Variants in FLT3 observed in about 807,000 individuals in gnomAD.
The protein encoded by FLT3 is receptor-type tyrosine-protein kinase FLT3.
In FLT3, 46 loss-of-function variants were observed where a neutral mutation model predicts 126.6. The ratio of observed to expected loss-of-function variants is 0.36; its 90% CI spans 0.29 to 0.46. The LOEUF (loss-of-function observed/expected upper bound fraction) is 0.46, where lower values mean the gene tolerates loss of function less well. FLT3 is among the 20% of genes least tolerant of loss of function. The pLI is 1.00. For missense variants in FLT3, 1,069 were observed against 1,190.3 expected (o/e 0.90, Z 1.50); for synonymous variants, 404 against 434.4 (o/e 0.93, Z 0.87).
Position 28,003,416 on chromosome 13 carries a change from A to G in FLT3, c.*636T>C. On this transcript the variant is annotated 3_prime_UTR_variant, in exon 24 of 24. Coordinates refer to ENST00000241453, the MANE Select transcript of FLT3 (RefSeq NM_004119.3). ...CACCTATTCATTATAAACTTCCCCC[A>G]ATACAACCCCTGTTGTTGCAGAAAT... is the stretch of plus-strand genomic sequence containing the variant. 4.3e-6 allele frequency: 1 copy of G among 233,854 alleles called. No individual in the cohort carries two copies. The highest frequency in any genetic ancestry group is 6.0e-5 in the East Asian group (1 of 16,566). 14.5% of individuals were successfully genotyped at this position (233,854 alleles called of 1,614,324 possible). A position where few individuals can be genotyped will look rare whatever the true frequency, so the allele number is the denominator to read the frequency against.
intron 1 of FLT3, among the ~76,000 whole-genome samples, chr13:28,092,418 G>T (rs1419473312): frequency 6.6e-6 from 1 of 151,998 alleles, no homozygotes; most frequent in Non-Finnish European, 1.5e-5. Context: ...CCAGGCTGGA[G>T]TGCAGTGGCA....
At chr13:28,087,071 A>G (rs1162575067) in intron 1 of FLT3, among the ~76,000 whole-genome samples, 1 of 152,192 alleles carries the variant, frequency 6.6e-6, no homozygotes, top group Non-Finnish European at 1.5e-5. Flanking sequence ...ATTTTTGGAT[A>G]TAGAACTACA....
At chr13:28,022,742 T>C (rs762029912) in intron 19 of FLT3, among the ~76,000 whole-genome samples, 1 of 152,224 alleles carries the variant, frequency 6.6e-6, no homozygotes, top group East Asian at 1.9e-4. Context: ...GATCTGCTTA[T>C]AGGCAGGAGA....
At chr13:28,060,027 T>G (rs1296228398) in intron 3 of FLT3, among the ~76,000 whole-genome samples, 1 of 151,238 alleles carries the variant, frequency 6.6e-6, no homozygotes, top group African/African-American at 2.4e-5. Flanking sequence ...CTTGCTACAC[T>G]AACAAGAATG....
intron 1 of FLT3, among the ~76,000 whole-genome samples, chr13:28,090,589 C>A (rs1461852507): frequency 1.3e-5 from 2 of 152,008 alleles, no homozygotes; most frequent in African/African-American, 4.8e-5. Flanking sequence ...ACCAGCCTGG[C>A]CAACATGGCA....
At chr13:28,013,743 G>T (rs1383676265) in intron 23 of FLT3, among the ~76,000 whole-genome samples, 4 of 152,144 alleles carry the variant, frequency 2.6e-5, no homozygotes, top group East Asian at 1.9e-4. Context: ...TCAACCCTCA[G>T]AACTCCAGGT....
At position 28,068,577 on chromosome 13, in the gene FLT3, C is replaced by T. The variant is rs373649282; in HGVS notation, c.165+1914G>A. Among the ~76,000 whole-genome samples the T allele has an allele frequency of 8.5e-5, 13 of 152,178 alleles. No individual in the cohort carries two copies. The East Asian group carries it at 1.4e-3, about 16-fold the overall frequency. ...TATCAGCCAGTAGCAGTGGCTCATG[C>T]CTGTAATCCCAACACTTTGGGAGGC... On this transcript the variant is annotated intron_variant, in intron 2 of 23. Transcript: ENST00000241453.
At chr13:28,015,803 C>T (rs1593216820) in intron 20 of FLT3, 102 bp from the exon 21 acceptor site, 3 of 693,746 alleles carry the variant, frequency 4.3e-6, no homozygotes, top group East Asian at 2.6e-5. Context: ...CCTAAGACCA[C>T]TCTTAATGCC....
intron 1 of FLT3, among the ~76,000 whole-genome samples, chr13:28,084,353 T>C (rs1384406487): frequency 6.6e-6 from 1 of 152,014 alleles, no homozygotes; most frequent in African/African-American, 2.4e-5. Context: ...GTCCTGCAGT[T>C]ATTAATTTTG....
chr13:28,086,095 T>C (rs932052143), intron 1 of FLT3, among the ~76,000 whole-genome samples: 2 of 152,246 alleles, frequency 1.3e-5, no homozygotes, highest in African/African-American at 2.4e-5. Flanking sequence ...AGTATTGACA[T>C]GATCAGATTT....
chr13:28,023,292 A>G, intron 19 of FLT3, 58 bp downstream of exon 19: 1 of 1,530,176 alleles, frequency 6.5e-7, no homozygotes, highest in Non-Finnish European at 8.9e-7. Context: ...GAAAACATAT[A>G]TAAGCACATC....
intron 1 of FLT3, among the ~76,000 whole-genome samples, chr13:28,077,115 A>G (rs1304098183): frequency 1.4e-5 from 1 of 70,002 alleles, no homozygotes; most frequent in East Asian, 2.1e-3. Context: ...GAGAGAGAGA[A>G]AGAAAGAGAA....
intron 4 of FLT3, among the ~76,000 whole-genome samples, chr13:28,054,923 C>T (rs1015294711): frequency 5.9e-5 from 9 of 152,166 alleles, no homozygotes; most frequent in Non-Finnish European, 1.3e-4. Context: ...GTTCATTGCT[C>T]TACTAGGTTT....
chr13:28,081,525 A>G (rs1156391694), intron 1 of FLT3, among the ~76,000 whole-genome samples: 1 of 152,196 alleles, frequency 6.6e-6, no homozygotes, highest in Non-Finnish European at 1.5e-5. Context: ...AATTTTCTAC[A>G]TAGGTTATCA....
intron 11 of FLT3, 77 bp from the exon 12 acceptor site, chr13:28,035,750 C>A: frequency 6.9e-7 from 1 of 1,445,918 alleles, no homozygotes; most frequent in East Asian, 2.3e-5. Context: ...GCAGCGAGTT[C>A]TAAAAGAGAT....
intron 20 of FLT3, 103 bp downstream of exon 20, chr13:28,018,364 T>A (rs1593219951): frequency 7.4e-7 from 1 of 1,343,728 alleles, no homozygotes; most frequent in East Asian, 2.4e-5. Context: ...TTTTTGATGT[T>A]ACCATAAATC....
chr13:28,040,963 C>CAAA (rs58959298), intron 9 of FLT3, among the ~76,000 whole-genome samples: 2 of 108,740 alleles, frequency 1.8e-5, no homozygotes, highest in African/African-American at 3.2e-5. Flanking sequence ...GACCCGGACT[C>CAAA]AAAAAAAAAA....
intron 1 of FLT3, among the ~76,000 whole-genome samples, chr13:28,085,284 T>C (rs996504089): frequency 2.3e-5 from 3 of 133,328 alleles, no homozygotes; most frequent in African/African-American, 8.6e-5. Flanking sequence ...GCAGAGGTTG[T>C]AGTGAGCCAA....
intron 9 of FLT3, among the ~76,000 whole-genome samples, chr13:28,039,852 T>C (rs2137695716): frequency 6.6e-6 from 1 of 152,106 alleles, no homozygotes; most frequent in South Asian, 2.1e-4. Flanking sequence ...CTAGCCTTAA[T>C]TTTATTTTAT....
Sources: gnomAD v4.1 joint callset for allele counts (sites outside exome capture counted in the v4.1 genomes callset) on GRCh38, gnomAD v4.1.1 for gene constraint, MANE v1.5 for transcripts, NCBI Gene and HGNC (gene_info 2026-07-23, HGNC 2026-07-21) for gene names.